TRERF1: variants seen among roughly 807,000 people sequenced by gnomAD.
TRERF1 encodes the protein transcriptional regulating factor 1, also known as transcriptional-regulating factor 1.
Under a neutral mutation model 122.9 loss-of-function variants are expected in TRERF1, and 27 were observed. The observed-to-expected ratio is 0.22, with a 90% CI of 0.16 to 0.30. TRERF1 has a LOEUF of 0.30. Ranked by LOEUF, TRERF1 falls within the 10% of genes least tolerant of loss-of-function variation. The pLI, the probability that TRERF1 is intolerant of heterozygous loss-of-function variation, is 1.00. For synonymous variants in TRERF1, 636 were observed against 641.7 expected (o/e 0.99, Z 0.13); for missense variants, 1,248 against 1,560.3 (o/e 0.80, Z 3.37).
rs910556179 is a variant in TRERF1 at position 42,415,200 on chromosome 6, T to C, written c.-454+35977A>G. Among the ~76,000 whole-genome samples, 4 of 152,330 alleles carry C rather than the reference T, an allele frequency of 2.6e-5. No homozygotes were observed. The East Asian group carries it at 7.7e-4, about 29-fold the overall frequency. ...AAGAACCACTTACACTTCTTTTCTG[T>C]GAATTTCTATCCATGTCCTTTTGCC... On this transcript the variant is annotated intron_variant, in intron 2 of 17. Transcript: ENST00000372922.
intron 15 of TRERF1, among the ~76,000 whole-genome samples, chr6:42,239,525 T>C (rs1773130919): frequency 6.6e-6 from 1 of 152,324 alleles, no homozygotes; most frequent in South Asian, 2.1e-4. Flanking sequence ...CCTCCTTCTT[T>C]TCCCCTCTCA....
chr6:42,335,596 C>T (rs1482605413), intron 3 of TRERF1, among the ~76,000 whole-genome samples: 4 of 152,246 alleles, frequency 2.6e-5, no homozygotes, highest in East Asian at 1.9e-4. Context: ...AACATGAGTG[C>T]GGATGGGGCG....
intron 2 of TRERF1, among the ~76,000 whole-genome samples, chr6:42,369,025 A>G (rs1387422075): frequency 1.3e-5 from 2 of 152,162 alleles, no homozygotes; most frequent in East Asian, 3.8e-4. Context: ...AGGCTCCCCA[A>G]GATTCTGACA....
intron 2 of TRERF1, among the ~76,000 whole-genome samples, chr6:42,403,931 AC>A (rs1554205015): frequency 4.9e-4 from 73 of 148,072 alleles, no homozygotes; most frequent in African/African-American, 1.7e-3. Context: ...ATTCCATGAG[AC>A]CCCCCCCAGG....
intron 2 of TRERF1, among the ~76,000 whole-genome samples, chr6:42,398,660 T>C (rs1778967153): frequency 6.6e-6 from 1 of 152,210 alleles, no homozygotes. Context: ...GCCTGGCACA[T>C]TGCCTTGTGC....
At chr6:42,280,603 T>C (rs762607176) in intron 4 of TRERF1, among the ~76,000 whole-genome samples, 1 of 152,166 alleles carries the variant, frequency 6.6e-6, no homozygotes, top group Non-Finnish European at 1.5e-5. Flanking sequence ...TGACGACATC[T>C]CCCCTGTTCT....
chr6:42,353,276 T>C (rs1453835888), intron 3 of TRERF1, among the ~76,000 whole-genome samples: 1 of 151,666 alleles, frequency 6.6e-6, no homozygotes, highest in Non-Finnish European at 1.5e-5. Context: ...GTTGTTTGAA[T>C]AGGAAGATGG....
chr6:42,312,388 C>G (rs749420672), intron 3 of TRERF1, among the ~76,000 whole-genome samples: 3 of 152,176 alleles, frequency 2.0e-5, no homozygotes, highest in Non-Finnish European at 4.4e-5. Flanking sequence ...AAGCGGGGAG[C>G]CCCTACTTTA....
At chr6:42,356,335 G>A (rs1770537532) in intron 3 of TRERF1, among the ~76,000 whole-genome samples, 1 of 152,244 alleles carries the variant, frequency 6.6e-6, no homozygotes, top group African/African-American at 2.4e-5. Flanking sequence ...AGGTCTTTGA[G>A]AGATAATTAA....
At chr6:42,374,247 C>A (rs993779992) in intron 2 of TRERF1, among the ~76,000 whole-genome samples, 1 of 152,136 alleles carries the variant, frequency 6.6e-6, no homozygotes, top group Non-Finnish European at 1.5e-5. Flanking sequence ...CTTGCCCCTA[C>A]ACACTCTGTT....
chr6:42,370,870 T>C (rs1297487775), intron 2 of TRERF1, among the ~76,000 whole-genome samples: 1 of 152,148 alleles, frequency 6.6e-6, no homozygotes, highest in East Asian at 1.9e-4. Flanking sequence ...CTGAGGAGGA[T>C]CCACTATCCT....
At chr6:42,439,437 G>A (rs551896628) in intron 2 of TRERF1, among the ~76,000 whole-genome samples, 135 of 152,154 alleles carry the variant, frequency 8.9e-4, no homozygotes, top group Admixed American at 1.4e-3. Context: ...GCTGAAAGTC[G>A]GCTGGGCACA....
chr6:42,230,094 A>AAAAAC (rs1770216151), intron 17 of TRERF1, among the ~76,000 whole-genome samples: 1 of 152,180 alleles, frequency 6.6e-6, no homozygotes, highest in Non-Finnish European at 1.5e-5. Context: ...TCATGAAGGA[A>AAAAAC]AAAACAAAAC....
At chr6:42,354,498 T>C (rs577944018) in intron 3 of TRERF1, among the ~76,000 whole-genome samples, 7 of 152,260 alleles carry the variant, frequency 4.6e-5, no homozygotes, top group African/African-American at 1.7e-4. Context: ...ATAGATTTCC[T>C]ATGCCTCTAC....
chr6:42,376,415 G>C (rs1321795411), intron 2 of TRERF1, among the ~76,000 whole-genome samples: 1 of 152,104 alleles, frequency 6.6e-6, no homozygotes, highest in Admixed American at 6.5e-5. Flanking sequence ...GTAGGGGAGA[G>C]ACAGGAGTAA....
intron 3 of TRERF1, among the ~76,000 whole-genome samples, chr6:42,341,704 C>A (rs536140916): frequency 7.9e-5 from 12 of 152,288 alleles, no homozygotes; most frequent in African/African-American, 2.9e-4. Flanking sequence ...CCATGGAGCC[C>A]ACAGCCTTTA....
chr6:42,331,632 G>A (rs966159860), intron 3 of TRERF1, among the ~76,000 whole-genome samples: 11 of 152,168 alleles, frequency 7.2e-5, no homozygotes, highest in African/African-American at 2.7e-4. Context: ...CCCTAAGCGG[G>A]GAAGAGGCTG....
At chr6:42,288,896 T>A (rs1245869950) in intron 4 of TRERF1, among the ~76,000 whole-genome samples, 10 of 151,640 alleles carry the variant, frequency 6.6e-5, no homozygotes, top group African/African-American at 2.4e-4. Context: ...AGGCTAAGGA[T>A]CCTCATCTTA....
rs527435188 is a variant in TRERF1, at chr6:42,254,411, T to A, written c.2656+440A>T. 9.2e-5 allele frequency among the ~76,000 whole-genome samples: 14 copies of A among 152,288 alleles called. No homozygotes were observed. The South Asian group carries it at 2.9e-3, about 32-fold the overall frequency. Reference sequence around the variant, plus strand: ...ATTGGGCTACATATACCATCTCTAATCTCACAAAAACACTACGAGGGATGG... The same window carrying A: ...ATTGGGCTACATATACCATCTCTAAACTCACAAAAACACTACGAGGGATGG... On this transcript the variant is annotated intron_variant, in intron 13 of 17. Coordinates refer to ENST00000372922, the Ensembl canonical transcript of TRERF1.
Sources: allele counts gnomAD v4.1 joint callset (sites outside exome capture counted in the v4.1 genomes callset), GRCh38; gene constraint gnomAD v4.1.1; transcripts MANE v1.5; gene names NCBI Gene and HGNC (gene_info 2026-07-23, HGNC 2026-07-21).